EIF2B1: variants seen among roughly 807,000 people sequenced by gnomAD.
EIF2B1 encodes the protein eukaryotic translation initiation factor 2B subunit alpha.
In EIF2B1, 30 loss-of-function variants were observed where a neutral mutation model predicts 36.8. That is an observed-to-expected ratio of 0.81 (90% CI 0.61 to 1.10). The LOEUF is 1.10. EIF2B1 is among the 50% of genes least tolerant of loss of function. The pLI is 0.00. For missense variants in EIF2B1, 271 were observed against 374.8 expected, an observed-to-expected ratio of 0.72 and a Z score of 2.29; for synonymous variants, 139 against 142.2, an observed-to-expected ratio of 0.98 and a Z score of 0.16.
chr12:123,633,402 G>A lies in EIF2B1; in HGVS notation c.13+143C>T, dbSNP rs1309751826. On this transcript the variant is annotated intron_variant, in intron 1 of 8. Transcript: ENST00000424014. ...AAACAAGAGCAGCGCGAGGGATTTA[G>A]TTGTGACTCTGGAAACACAACCAGC... The A allele has an allele frequency of 3.9e-6, 5 of 1,293,912 alleles. No individual in the cohort carries two copies. The African/African-American group carries it at 4.4e-5, about 11-fold the overall frequency. The allele number at this position is 1,293,912 out of a possible 1,614,324, so 80.2% of individuals were successfully genotyped here.
Position 123,627,148 on chromosome 12 carries a change from C to A in EIF2B1, c.378G>T (p.Leu126Phe). 1 of 1,613,878 alleles carries A rather than the reference C, an allele frequency of 6.2e-7. No homozygotes were observed. Among genetic ancestry groups the A allele is most frequent in the South Asian group, 1.1e-5 (1 of 91,016 alleles). ...HTFIKDGATI[L>F]THAYSRVVLR... ...GGACCACTCTGGAGTAGGCGTGAGT[C>A]AATATTGTCTGTGGACCGAGAAAGC... Residue 126 changes from leucine (L) to phenylalanine (F), a missense_variant, in exon 5 of 9, where the codon TTG (leucine) becomes TTT (phenylalanine). Transcript: ENST00000424014.
At chr12:123,627,496 AC>A (rs1368185930) in intron 4 of EIF2B1, among the ~76,000 whole-genome samples, 5 of 152,222 alleles carry the variant, frequency 3.3e-5, no homozygotes, top group Admixed American at 3.3e-4. Context: ...GCCTACAGGA[AC>A]CAAGTAGGTA....
At position 123,620,602 on chromosome 12, in the gene EIF2B1, AT is replaced by A. The variant is rs1566211038; in HGVS notation, c.*1153del. The A allele has an allele frequency of 2.0e-4, 15 of 74,052 alleles. 1 individual carries two copies. Among genetic ancestry groups the A allele is most frequent in the Non-Finnish European group, 4.4e-4 (13 of 29,834 alleles). The allele number at this position is 74,052 out of a possible 1,614,324, so 4.6% of individuals were successfully genotyped here. A position where few individuals can be genotyped will look rare whatever the true frequency, so the allele number is the denominator to read the frequency against. On this transcript the variant is annotated 3_prime_UTR_variant, in exon 9 of 9. Transcript: ENST00000424014. ...ATATTATATATATATATATATATATATATATATATATATATATATATATATA... is the reference window on the plus strand; with the variant it reads ...ATATTATATATATATATATATATATAATATATATATATATATATATATATA...
At position 123,626,186 on chromosome 12, in the gene EIF2B1, T is replaced by TA. The variant is rs1955147224; in HGVS notation, c.551+238dup. 1.6e-5 allele frequency: 9 copies of TA among 550,560 alleles called. No homozygotes were observed. In the South Asian group the frequency reaches 1.9e-4, roughly 12 times the overall value. The allele number at this position is 550,560 out of a possible 1,614,324, so 34.1% of individuals were successfully genotyped here. On this transcript the variant is annotated intron_variant, in intron 6 of 8. Coordinates refer to ENST00000424014, the MANE Select transcript of EIF2B1 (RefSeq NM_001414.4). ...CAACAACAACAACAAACTCAACACT[T>TA]ACAGCCATAAAGCTATAGACACAAC...
intron 1 of EIF2B1, among the ~76,000 whole-genome samples, chr12:123,633,099 CCAGA>C (rs1373344061): frequency 6.6e-6 from 1 of 151,656 alleles, no homozygotes; most frequent in African/African-American, 2.4e-5. Flanking sequence ...CTGCACCCCT[CCAGA>C]CAGTCTATGC....
rs1025390999 is a variant in EIF2B1 at position 123,621,332 on chromosome 12, G to A, written c.*424C>T. The A allele has an allele frequency of 2.8e-5, 8 of 285,632 alleles. No individual in the cohort carries two copies. Among genetic ancestry groups the A allele is most frequent in the East Asian group, 1.8e-4 (2 of 10,830 alleles). The allele number at this position is 285,632 out of a possible 1,614,324, so 17.7% of individuals were successfully genotyped here. A position where few individuals can be genotyped will look rare whatever the true frequency, so the allele number is the denominator to read the frequency against. On this transcript the variant is annotated 3_prime_UTR_variant, in exon 9 of 9. Transcript: ENST00000424014. The stretch of plus-strand genomic sequence containing the variant: ...TGTTTCTTGCCTCTTACAAGGCACC[G>A]CGTGTAACGTCCTGACCAGCTGTTG...
rs1181031063 is a variant in EIF2B1, at chr12:123,621,933, G to A, written c.754-13C>T. 1 of 1,613,718 alleles carries A rather than the reference G, an allele frequency of 6.2e-7. No individual in the cohort carries two copies. The highest frequency in any genetic ancestry group is 8.5e-7 in the Non-Finnish European group (1 of 1,179,978). ...TGTCTGCCTTATACTGAGGAGAGAA[G>A]TACACATTAGTCGGCACTGAATATT... On this transcript the variant is annotated splice_polypyrimidine_tract_variant and intron_variant, in intron 8 of 8. Transcript: ENST00000424014.
At chr12:123,626,558 C>T in intron 5 of EIF2B1, 65 bp from the exon 6 acceptor site, 1 of 1,563,784 alleles carries the variant, frequency 6.4e-7, no homozygotes, top group African/African-American at 1.3e-5. Flanking sequence ...TGTATGTCAC[C>T]TAATGTGGAC....
In EIF2B1 at chr12:123,630,613, C is replaced by T. The variant is rs910948936; in HGVS notation, c.116-80G>A. The T allele has an allele frequency of 5.7e-6, 9 of 1,565,396 alleles. No individual in the cohort carries two copies. The African/African-American group carries it at 1.1e-4, about 19-fold the overall frequency. ...TGTATCTTCAATTCATTCATTCATT[C>T]AGTGAATATTTACTAGGTACATACT... On this transcript the variant is annotated intron_variant, in intron 2 of 8. Transcript: ENST00000424014. This position sits in a 1 kb window ranked among gnomAD's most constrained non-coding sequence, Gnocchi z 4.6.
In EIF2B1 at chr12:123,620,606, ATATATATATAT is replaced by A. The variant is rs1955064279; in HGVS notation, c.*1139_*1149del. On this transcript the variant is annotated 3_prime_UTR_variant, in exon 9 of 9. Transcript: ENST00000424014. Reference sequence around the variant, plus strand: ...TATATATATATATATATATATATATATATATATATATATATATATATAAGCTCTTTTTTCTG... The same window carrying A: ...TATATATATATATATATATATATATAATATATATATAAGCTCTTTTTTCTG... 1.3e-5 allele frequency: 1 copy of A among 75,892 alleles called. No homozygotes were observed. Among genetic ancestry groups the A allele is most frequent in the South Asian group, 4.8e-4 (1 of 2,074 alleles). 4.7% of individuals were successfully genotyped at this position (75,892 alleles called of 1,614,324 possible). A position where few individuals can be genotyped will look rare whatever the true frequency, so the allele number is the denominator to read the frequency against.
intron 8 of EIF2B1, among the ~76,000 whole-genome samples, 167 bp from the exon 9 acceptor site, chr12:123,622,087 C>G (rs955466784): frequency 6.6e-6 from 1 of 152,132 alleles, no homozygotes; most frequent in Non-Finnish European, 1.5e-5. Context: ...TGGCCATGAG[C>G]CAGATCATGG....
At chr12:123,629,382 T>C (rs1955171488) in intron 4 of EIF2B1, among the ~76,000 whole-genome samples, 1 of 152,222 alleles carries the variant, frequency 6.6e-6, no homozygotes, top group African/African-American at 2.4e-5. Context: ...TTTCCCTCTA[T>C]TGCTAACCTT....
intron 8 of EIF2B1, 80 bp downstream of exon 8, chr12:123,622,556 A>G (rs1955111580): frequency 6.3e-7 from 1 of 1,590,634 alleles, no homozygotes; most frequent in Non-Finnish European, 8.6e-7. Context: ...TGAAAAAATT[A>G]CTGGAACATT....
At chr12:123,629,521 C>T (rs954003185) in intron 4 of EIF2B1, among the ~76,000 whole-genome samples, 18 of 152,232 alleles carry the variant, frequency 1.2e-4, no homozygotes, top group African/African-American at 4.1e-4. Context: ...GGGCCAGGTG[C>T]GGTGGCTCAC....
chr12:123,631,094 C>T (rs1283878868), intron 2 of EIF2B1, among the ~76,000 whole-genome samples: 1 of 152,118 alleles, frequency 6.6e-6, no homozygotes, highest in Non-Finnish European at 1.5e-5. Context: ...CTGGAATATT[C>T]CCTGTAGCAT....
At position 123,630,641 on chromosome 12, in the gene EIF2B1, A is replaced by G; in HGVS notation, c.116-108T>C. The G allele has an allele frequency of 1.4e-6, 2 of 1,434,576 alleles. No individual in the cohort carries two copies. Among genetic ancestry groups the G allele is most frequent in the Non-Finnish European group, 1.9e-6 (2 of 1,037,430 alleles). The allele number at this position is 1,434,576 out of a possible 1,614,324, so 88.9% of individuals were successfully genotyped here. On this transcript the variant is annotated intron_variant, in intron 2 of 8. Transcript: ENST00000424014. The surrounding 1 kb of genome is among the most constrained non-coding windows in gnomAD (Gnocchi z 4.6). ...TGAATATTTACTAGGTACATACTAT[A>G]TACCAGGCACTATTCTAGATGCTAG...
intron 5 of EIF2B1, 136 bp from the exon 6 acceptor site, chr12:123,626,629 T>G: frequency 3.0e-6 from 3 of 1,002,074 alleles, no homozygotes; most frequent in Non-Finnish European, 3.1e-6. Context: ...ATCCCAATAC[T>G]TTGGACTAAG....
chr12:123,630,821 G>C lies in EIF2B1; in HGVS notation c.116-288C>G, dbSNP rs1241628525. Among the ~76,000 whole-genome samples, 1 of 152,104 alleles carries C rather than the reference G, an allele frequency of 6.6e-6. No individual in the cohort carries two copies. Among genetic ancestry groups the C allele is most frequent in the Non-Finnish European group, 1.5e-5 (1 of 68,010 alleles). ...TAATCTCAGCACTTTGGGAGGCTGAGGCATGGAAAGACATTAAGTAGCAGC... is the reference window on the plus strand; with the variant it reads ...TAATCTCAGCACTTTGGGAGGCTGACGCATGGAAAGACATTAAGTAGCAGC... On this transcript the variant is annotated intron_variant, in intron 2 of 8. Transcript: ENST00000424014. This position sits in a 1 kb window ranked among gnomAD's most constrained non-coding sequence, Gnocchi z 4.6.
intron 1 of EIF2B1, among the ~76,000 whole-genome samples, chr12:123,632,945 CAAA>C (rs4040224): frequency 5.3e-5 from 4 of 75,102 alleles, no homozygotes; most frequent in Non-Finnish European, 9.5e-5. Context: ...GACTCCGTCT[CAAA>C]AAAAAAAAAA....
Sources: gnomAD v4.1 joint callset for allele counts (sites outside exome capture counted in the v4.1 genomes callset) on GRCh38, gnomAD v4.1.1 for gene constraint, Gnocchi (gnomAD v3.1) non-coding constraint, MANE v1.5 for transcripts, NCBI Gene and HGNC (gene_info 2026-07-23, HGNC 2026-07-21) for gene names.